Variants in LINGO2 observed in about 807,000 individuals in gnomAD.
LINGO2 encodes leucine-rich repeat and immunoglobulin-like domain-containing nogo receptor-interacting protein 2.
Under a neutral mutation model 30.6 loss-of-function variants are expected in LINGO2, and 14 were observed. The observed-to-expected ratio is 0.46, with a 90% CI of 0.30 to 0.72. The LOEUF is 0.72. Among genes scored for constraint, LINGO2 ranks in the 30% least tolerant of loss-of-function variants. LINGO2 has a pLI of 0.07. For synonymous variants in LINGO2, 317 were observed against 288.5 expected, an observed-to-expected ratio of 1.10 and a Z score of -1.00; for missense variants, 729 against 751.7, an observed-to-expected ratio of 0.97 and a Z score of 0.35.
At chr9:28,304,900 T>C (rs1259321587) in intron 3 of LINGO2, among the ~76,000 whole-genome samples, 3 of 152,070 alleles carry the variant, frequency 2.0e-5, no homozygotes, top group Admixed American at 2.0e-4. Flanking sequence ...ATGCCTCTAG[T>C]AAAGTTAGCA....
At chr9:28,620,338 A>G (rs1826335213) in intron 1 of LINGO2, among the ~76,000 whole-genome samples, 1 of 152,118 alleles carries the variant, frequency 6.6e-6, no homozygotes, top group Admixed American at 6.5e-5. Context: ...AATAGTTTTA[A>G]AAAGTATTCA....
chr9:28,897,324 C>T, the LINGO2 span, among the ~76,000 whole-genome samples: 1,393 of 152,190 alleles, frequency 9.2e-3, 20 homozygotes, highest in African/African-American at 0.032. Flanking sequence ...CAGAGACAAT[C>T]CTAAGTTTAT....
chr9:29,060,509 T>C, the LINGO2 span, among the ~76,000 whole-genome samples: 1 of 152,022 alleles, frequency 6.6e-6, no homozygotes, highest in East Asian at 1.9e-4. Context: ...ATTTTAAATG[T>C]CCAAGACACA....
At chr9:28,582,263 G>C (rs1424036004) in intron 1 of LINGO2, among the ~76,000 whole-genome samples, 1 of 152,042 alleles carries the variant, frequency 6.6e-6, no homozygotes, top group African/African-American at 2.4e-5. Flanking sequence ...GGAGGATTGA[G>C]AATTAAAAGT....
the LINGO2 span, among the ~76,000 whole-genome samples, chr9:28,886,584 T>G: frequency 2.0e-5 from 3 of 152,168 alleles, no homozygotes; most frequent in African/African-American, 7.2e-5. Context: ...ACTCACATAA[T>G]TTCTTTTGTT....
the LINGO2 span, among the ~76,000 whole-genome samples, chr9:28,893,972 A>C: frequency 1.3e-5 from 2 of 151,528 alleles, no homozygotes; most frequent in Non-Finnish European, 2.9e-5. Flanking sequence ...TCATTGTTCA[A>C]TTCCCATCTA....
chr9:28,624,400 C>T (rs550638262), intron 1 of LINGO2, among the ~76,000 whole-genome samples: 10 of 151,566 alleles, frequency 6.6e-5, no homozygotes, highest in African/African-American at 2.2e-4. Context: ...TGAATTTTAT[C>T]AAATGAGTGT....
the LINGO2 span, among the ~76,000 whole-genome samples, chr9:29,062,849 T>A: frequency 8.5e-5 from 13 of 152,164 alleles, no homozygotes; most frequent in Non-Finnish European, 1.8e-4. Flanking sequence ...CTTTTTGTGA[T>A]AACACTTTTC....
intron 4 of LINGO2, among the ~76,000 whole-genome samples, chr9:28,058,579 G>T (rs1229212718): frequency 6.6e-6 from 1 of 152,116 alleles, no homozygotes; most frequent in Non-Finnish European, 1.5e-5. Context: ...AAGCACACCA[G>T]TTTGAAGATA....
intron 1 of LINGO2, among the ~76,000 whole-genome samples, chr9:28,521,229 C>T (rs1420763535): frequency 6.6e-6 from 1 of 152,104 alleles, no homozygotes; most frequent in African/African-American, 2.4e-5. Context: ...ATAAATGCTG[C>T]TATTTTTGAT....
the LINGO2 span, among the ~76,000 whole-genome samples, chr9:28,857,347 T>C: frequency 6.6e-6 from 1 of 152,108 alleles, no homozygotes; most frequent in Non-Finnish European, 1.5e-5. Context: ...TTATTACATG[T>C]TACTTATAAT....
chr9:28,004,601 A>T, intron 5 of LINGO2, among the ~76,000 whole-genome samples: 1 of 151,732 alleles, frequency 6.6e-6, no homozygotes, highest in East Asian at 1.9e-4. Flanking sequence ...ATATCAACTA[A>T]TAGTTGATAA....
the LINGO2 span, among the ~76,000 whole-genome samples, chr9:28,994,483 A>G: frequency 6.6e-6 from 1 of 151,382 alleles, no homozygotes; most frequent in African/African-American, 2.4e-5. Context: ...CCATCAAGCT[A>G]CCAATGACTT....
At chr9:28,108,169 A>G (rs1173955198) in intron 4 of LINGO2, among the ~76,000 whole-genome samples, 3 of 152,140 alleles carry the variant, frequency 2.0e-5, no homozygotes, top group Non-Finnish European at 4.4e-5. Flanking sequence ...GCTCTCTCGC[A>G]GCTACAATAC....
chr9:28,894,658 C>T, the LINGO2 span, among the ~76,000 whole-genome samples: 1 of 151,564 alleles, frequency 6.6e-6, no homozygotes, highest in Admixed American at 6.6e-5. Flanking sequence ...CAACTTTTTA[C>T]ATTTTAATAA....
chr9:28,323,637 C>A (rs904194698), intron 3 of LINGO2, among the ~76,000 whole-genome samples: 3 of 151,954 alleles, frequency 2.0e-5, no homozygotes, highest in Non-Finnish European at 4.4e-5. Context: ...CAAACAGATC[C>A]AAAATAGTCT....
chr9:28,324,713 G>A (rs142372453), intron 3 of LINGO2, among the ~76,000 whole-genome samples: 17 of 152,208 alleles, frequency 1.1e-4, no homozygotes, highest in African/African-American at 4.1e-4. Context: ...AAAAGGGGAG[G>A]AACCCTCAGG....
chr9:28,457,854 C>G (rs986820104), intron 2 of LINGO2, among the ~76,000 whole-genome samples: 1 of 152,132 alleles, frequency 6.6e-6, no homozygotes, highest in African/African-American at 2.4e-5. Flanking sequence ...TTGCTATTTT[C>G]TTTTCCCCTC....
chr9:29,049,877 A>G, the LINGO2 span, among the ~76,000 whole-genome samples: 1 of 152,162 alleles, frequency 6.6e-6, no homozygotes, highest in Admixed American at 6.6e-5. Flanking sequence ...AAGATCTACT[A>G]CTCAATAGCA....
Sources: allele counts gnomAD v4.1 joint callset (sites outside exome capture counted in the v4.1 genomes callset), GRCh38; gene constraint gnomAD v4.1.1; transcripts MANE v1.5; gene names NCBI Gene and HGNC (gene_info 2026-07-23, HGNC 2026-07-21).